CFAP54: variants seen among roughly 807,000 people sequenced by gnomAD.
The protein encoded by CFAP54 is cilia- and flagella-associated protein 54.
CFAP54 carries 290 observed loss-of-function variants against 370.4 expected under a neutral mutation model. The observed-to-expected ratio is 0.78, with a 90% CI of 0.71 to 0.86. The LOEUF (loss-of-function observed/expected upper bound fraction) is 0.86. Ranked by LOEUF, CFAP54 falls within the 40% of genes least tolerant of loss-of-function variation. CFAP54 has a pLI of 0.00. For missense variants in CFAP54, 3,399 were observed against 3,528.7 expected (o/e 0.96, Z 0.93); for synonymous variants, 1,206 against 1,236.5 (o/e 0.98, Z 0.52).
chr12:96,676,721 T>C (rs1318728201), intron 39 of CFAP54, among the ~76,000 whole-genome samples: 1 of 152,030 alleles, frequency 6.6e-6, no homozygotes, highest in Non-Finnish European at 1.5e-5. Flanking sequence ...AATTTTTGTA[T>C]TTTTAGTAGA....
chr12:96,639,161 A>G (rs1379260460), intron 32 of CFAP54, among the ~76,000 whole-genome samples: 2 of 152,208 alleles, frequency 1.3e-5, no homozygotes, highest in Non-Finnish European at 2.9e-5. Context: ...GAAAAGATCA[A>G]CAAAACTGAT....
intron 33 of CFAP54, among the ~76,000 whole-genome samples, 156 bp from the exon 34 acceptor site, chr12:96,647,719 A>C (rs1956812214): frequency 6.6e-6 from 1 of 152,114 alleles, no homozygotes; most frequent in Non-Finnish European, 1.5e-5. Flanking sequence ...AAAGTTAGTG[A>C]AAAAATGTTG....
chr12:96,643,224 G>A (rs1330710673), intron 32 of CFAP54, among the ~76,000 whole-genome samples: 1 of 152,006 alleles, frequency 6.6e-6, no homozygotes, highest in Non-Finnish European at 1.5e-5. Flanking sequence ...TAAAACTCTT[G>A]GATTAAAAGC....
chr12:96,611,585 C>T (rs1264388976), intron 26 of CFAP54, among the ~76,000 whole-genome samples: 2 of 152,048 alleles, frequency 1.3e-5, no homozygotes, highest in Admixed American at 1.3e-4. Flanking sequence ...GATCAAACTT[C>T]TCCAAGCTAA....
intron 9 of CFAP54, among the ~76,000 whole-genome samples, chr12:96,528,666 T>G (rs1445102593): frequency 6.6e-6 from 1 of 152,198 alleles, no homozygotes; most frequent in Non-Finnish European, 1.5e-5. Context: ...GTCAGTTTGC[T>G]TTCTCTCTTA....
intron 25 of CFAP54, among the ~76,000 whole-genome samples, 172 bp downstream of exon 25, chr12:96,594,618 C>T (rs1023875172): frequency 3.9e-5 from 6 of 152,200 alleles, no homozygotes; most frequent in African/African-American, 1.4e-4. Context: ...TATGTCTGGG[C>T]ACATATAGAT....
At chr12:96,514,440 G>T (rs1315979040) in intron 5 of CFAP54, among the ~76,000 whole-genome samples, 1 of 152,202 alleles carries the variant, frequency 6.6e-6, no homozygotes, top group African/African-American at 2.4e-5. Context: ...ATTGAGGGGG[G>T]ACTCTCCCAG....
intron 50 of CFAP54, among the ~76,000 whole-genome samples, chr12:96,738,590 C>A (rs1014620752): frequency 4.2e-5 from 6 of 143,026 alleles, no homozygotes; most frequent in South Asian, 2.3e-4. Context: ...CCTCCAAGCA[C>A]GTCTATGTCT....
intron 19 of CFAP54, among the ~76,000 whole-genome samples, chr12:96,574,926 T>A (rs1955960440): frequency 6.6e-6 from 1 of 152,142 alleles, no homozygotes. Context: ...TTTGGAAACA[T>A]TTAAAATGGC....
intron 50 of CFAP54, among the ~76,000 whole-genome samples, chr12:96,732,604 C>G (rs925837379): frequency 6.6e-6 from 1 of 152,256 alleles, no homozygotes; most frequent in Admixed American, 6.5e-5. Context: ...GAAATTAAGA[C>G]ATTTTTAGCT....
At chr12:96,574,319 T>C (rs1955954678) in intron 19 of CFAP54, among the ~76,000 whole-genome samples, 8 of 152,290 alleles carry the variant, frequency 5.3e-5, no homozygotes, top group Admixed American at 4.6e-4. Flanking sequence ...ACATTTGAAA[T>C]TTGGTAGACA....
At position 96,580,531 on chromosome 12, in the gene CFAP54, G is replaced by C. The variant is rs555662504; in HGVS notation, c.2797-66G>C. On this transcript the variant is annotated intron_variant, in intron 20 of 67. Coordinates refer to ENST00000524981, the MANE Select transcript of CFAP54 (RefSeq NM_001306084.2). ...AATCATTACATTTTTATTTAGAAAA[G>C]TATTTTTTTTGTTACATTGATATAA... 1.2e-5 allele frequency: 10 copies of C among 832,540 alleles called. No homozygotes were observed. The South Asian group carries it at 2.4e-4, about 20-fold the overall frequency. 51.6% of individuals were successfully genotyped at this position (832,540 alleles called of 1,614,324 possible).
intron 26 of CFAP54, among the ~76,000 whole-genome samples, chr12:96,602,485 A>G (rs1265705668): frequency 1.3e-5 from 2 of 152,176 alleles, no homozygotes; most frequent in Non-Finnish European, 2.9e-5. Context: ...CTTGTTCCAG[A>G]GATGAGTTCA....
intron 14 of CFAP54, among the ~76,000 whole-genome samples, chr12:96,543,831 C>G (rs1955605894): frequency 6.6e-6 from 1 of 152,072 alleles, no homozygotes; most frequent in African/African-American, 2.4e-5. Context: ...GCTTCTCATC[C>G]TTGGTGGGCC....
chr12:96,867,644 T>C (rs1042334185), intron 67 of CFAP54, among the ~76,000 whole-genome samples: 1 of 152,180 alleles, frequency 6.6e-6, no homozygotes, highest in African/African-American at 2.4e-5. Context: ...TATGCTAAGT[T>C]AAATAAGTCA....
At chr12:96,611,347 TAACA>T (rs1486529678) in intron 26 of CFAP54, among the ~76,000 whole-genome samples, 2 of 151,588 alleles carry the variant, frequency 1.3e-5, no homozygotes, top group African/African-American at 4.8e-5. Context: ...GAAGAAAAAC[TAACA>T]AACAGAAAGG....
intron 38 of CFAP54, among the ~76,000 whole-genome samples, 165 bp from the exon 39 acceptor site, chr12:96,663,665 T>C (rs1957022109): frequency 6.6e-6 from 1 of 152,220 alleles, no homozygotes; most frequent in Admixed American, 6.5e-5. Context: ...CTGCTTTTTT[T>C]CATGAAAGTT....
chr12:96,776,581 T>C (rs1278532551), intron 60 of CFAP54, among the ~76,000 whole-genome samples: 4 of 152,222 alleles, frequency 2.6e-5, no homozygotes, highest in African/African-American at 9.6e-5. Flanking sequence ...CTCACACAGA[T>C]ATGTAGTTAG....
At chr12:96,805,390 G>GA (rs67634481) in intron 63 of CFAP54, among the ~76,000 whole-genome samples, 40 of 149,840 alleles carry the variant, frequency 2.7e-4, no homozygotes, top group East Asian at 5.8e-4. Flanking sequence ...AGCTCAACAA[G>GA]AAAAAAAAAC....
Sources: allele counts gnomAD v4.1 joint callset (sites outside exome capture counted in the v4.1 genomes callset), GRCh38; gene constraint gnomAD v4.1.1; transcripts MANE v1.5; gene names NCBI Gene and HGNC (gene_info 2026-07-23, HGNC 2026-07-21).